The following PATZ1 variants were observed in gnomAD, a reference collection of about 807,000 sequenced individuals.
The protein encoded by PATZ1 is POZ/BTB and AT hook containing zinc finger 1.
Under a neutral mutation model 46.2 loss-of-function variants are expected in PATZ1, and 9 were observed. The ratio of observed to expected loss-of-function variants is 0.19; its 90% confidence interval spans 0.12 to 0.34. The LOEUF (loss-of-function observed/expected upper bound fraction) is 0.34. Ranked by LOEUF, PATZ1 falls within the 10% of genes least tolerant of loss-of-function variation. The pLI is 1.00. For synonymous variants in PATZ1, 426 were observed against 378.6 expected, an observed-to-expected ratio of 1.13 and a Z score of -1.45; for missense variants, 632 against 923.0, an observed-to-expected ratio of 0.68 and a Z score of 4.08.
Position 31,345,790 on chromosome 22 carries a change from G to T in PATZ1, c.-188C>A. On this transcript the variant is annotated 5_prime_UTR_variant, in exon 1 of 5. Coordinates refer to ENST00000266269, the MANE Select transcript of PATZ1 (RefSeq NM_014323.3). This position sits in a 1 kb window ranked among gnomAD's most constrained non-coding sequence, Gnocchi z 7.4. Reference sequence around the variant, plus strand: ...CCGGATCAGACTGTCTAGACTGCGGGGTGCACCACCCCCCACATAGCCAAC... The same window carrying T: ...CCGGATCAGACTGTCTAGACTGCGGTGTGCACCACCCCCCACATAGCCAAC... The T allele has an allele frequency of 1.8e-6, 1 of 546,482 alleles. No individual in the cohort carries two copies. Among genetic ancestry groups the T allele is most frequent in the Non-Finnish European group, 3.1e-6 (1 of 323,816 alleles). 33.9% of individuals were successfully genotyped at this position (546,482 alleles called of 1,614,324 possible). A position where few individuals can be genotyped will look rare whatever the true frequency, so the allele number is the denominator to read the frequency against.
intron 2 of PATZ1, among the ~76,000 whole-genome samples, chr22:31,337,109 CA>C (rs889856619): frequency 7.5e-4 from 105 of 140,626 alleles, no homozygotes; most frequent in Non-Finnish European, 9.5e-4. Context: ...GACTCCGTCT[CA>C]AAAAAAAAAA....
chr22:31,329,649 G>A (rs965656015), intron 3 of PATZ1, among the ~76,000 whole-genome samples: 3 of 152,150 alleles, frequency 2.0e-5, no homozygotes, highest in African/African-American at 4.8e-5. Context: ...GAAGAAACAC[G>A]GATGATCTCT....
rs1281347033 is a variant in PATZ1, at chr22:31,344,700, G to A, written c.903C>T (p.Phe301=). ...GCTGCCGGAGCCGGTTGGCATCAGTGAACACCTTACCACATAGACCGCATG... is the reference window on the plus strand; with the variant it reads ...GCTGCCGGAGCCGGTTGGCATCAGTAAACACCTTACCACATAGACCGCATG... ...ILPCGLCGKV[F]TDANRLRQHE... is the part of the protein sequence containing the mutation. Residue 301 remains phenylalanine, a synonymous_variant, in exon 1 of 5, where the codon TTC becomes TTT. Coordinates refer to ENST00000266269, the MANE Select transcript of PATZ1 (RefSeq NM_014323.3). 8 of 1,613,616 alleles carry A rather than the reference G, an allele frequency of 5.0e-6. No individual in the cohort carries two copies. In the African/African-American group the frequency reaches 6.7e-5, roughly 13 times the overall value.
chr22:31,340,589 G>C, intron 2 of PATZ1: 4 of 683,694 alleles, frequency 5.9e-6, no homozygotes, highest in Non-Finnish European at 7.3e-6. Flanking sequence ...ATGTTGGGAG[G>C]GGCAGGGCAG....
At chr22:31,331,685 T>C (rs1167854317) in intron 3 of PATZ1, among the ~76,000 whole-genome samples, 3 of 152,072 alleles carry the variant, frequency 2.0e-5, no homozygotes, top group Admixed American at 1.3e-4. Flanking sequence ...TAAAATAGCA[T>C]GAAGCTCTCT....
In PATZ1 at chr22:31,342,908, G is replaced by A. The variant is rs529473707; in HGVS notation, c.1324C>T (p.His442Tyr). ...IKQVHTSERP[H>Y]KCQTCNASFA... ...GACCCAGCCCCTACCTGACACTTGT[G>A]AGGCCGCTCAGAAGTGTGCACCTGC... Residue 442 changes from histidine (H) to tyrosine (Y), a missense_variant, in exon 2 of 5, where the codon CAC (histidine) becomes TAC (tyrosine). Physicochemically the swap from His to Tyr is moderately conservative, Grantham distance 83 (BLOSUM62 2). Around this residue, in one of 7 missense-constraint regions of PATZ1, gnomAD observed 55 missense variants for 169.0 expected, o/e 0.33. Transcript: ENST00000266269. 1 of 1,614,066 alleles carries A rather than the reference G, an allele frequency of 6.2e-7. No homozygotes were observed. The highest frequency in any genetic ancestry group is 1.3e-5 in the African/African-American group (1 of 75,050).
At chr22:31,344,023 G>A (rs1195957706) in intron 1 of PATZ1, among the ~76,000 whole-genome samples, 1 of 152,210 alleles carries the variant, frequency 6.6e-6, no homozygotes, top group African/African-American at 2.4e-5. Flanking sequence ...CACGCCTGGT[G>A]CCGGAAACAC....
intron 1 of PATZ1, 153 bp from the exon 2 acceptor site, chr22:31,343,113 C>G: frequency 1.4e-6 from 2 of 1,427,904 alleles, no homozygotes; most frequent in Non-Finnish European, 1.9e-6. Flanking sequence ...AAGTCACCAC[C>G]CAGTTCTGGC....
intron 2 of PATZ1, among the ~76,000 whole-genome samples, chr22:31,336,383 C>G (rs989033301): frequency 2.0e-5 from 3 of 152,108 alleles, no homozygotes; most frequent in African/African-American, 7.2e-5. Flanking sequence ...AAAGGAAAGG[C>G]AGGACAAAGT....
chr22:31,342,835 G>A, intron 2 of PATZ1, 62 bp downstream of exon 2: 1 of 1,586,180 alleles, frequency 6.3e-7, no homozygotes, highest in African/African-American at 1.3e-5. Flanking sequence ...CTGGCTCAAG[G>A]CTGCGACCGT....
rs1240409340 is a variant in PATZ1, at chr22:31,326,696, A to C, written c.*195T>G. 19 of 579,990 alleles carry C rather than the reference A, an allele frequency of 3.3e-5. No individual in the cohort carries two copies. The highest frequency in any genetic ancestry group is 5.8e-5 in the Non-Finnish European group (19 of 330,416). The allele number at this position is 579,990 out of a possible 1,614,324, so 35.9% of individuals were successfully genotyped here. A position where few individuals can be genotyped will look rare whatever the true frequency, so the allele number is the denominator to read the frequency against. ...CAAGTCTCATTGATATTTCTGCAGAATATCAGATGAAAATCTATTTCTAAA... is the reference window on the plus strand; with the variant it reads ...CAAGTCTCATTGATATTTCTGCAGACTATCAGATGAAAATCTATTTCTAAA... On this transcript the variant is annotated 3_prime_UTR_variant, in exon 5 of 5. Coordinates refer to ENST00000266269, the MANE Select transcript of PATZ1 (RefSeq NM_014323.3).
chr22:31,330,013 T>C (rs901107875), intron 3 of PATZ1, among the ~76,000 whole-genome samples: 6 of 152,226 alleles, frequency 3.9e-5, no homozygotes, highest in African/African-American at 1.2e-4. Context: ...ATCAGGTGTT[T>C]CCATTCACTT....
rs1219077456 is a variant in PATZ1 at position 31,344,708 on chromosome 22, T to C, written c.895A>G (p.Lys299Glu). The change falls in exon 1 of 5, where the codon AAG becomes GAG. Residue 299 changes from lysine (K) to glutamate (E), a missense_variant. This residue lies in a region of PATZ1 where 279 missense variants were observed against 284.3 expected (regional missense o/e 0.98). Coordinates refer to ENST00000266269, the MANE Select transcript of PATZ1 (RefSeq NM_014323.3). ...AGILPCGLCGKVFTDANRLRQ... is the reference protein window; with the variant it reads ...AGILPCGLCGEVFTDANRLRQ... ...AGCCGGTTGGCATCAGTGAACACCT[T>C]ACCACATAGACCGCATGGAAGGATG... The C allele has an allele frequency of 6.2e-7, 1 of 1,613,500 alleles. No individual in the cohort carries two copies. The highest frequency in any genetic ancestry group is 2.2e-5 in the East Asian group (1 of 44,858).
Position 31,326,181 on chromosome 22 carries a change from A to C in PATZ1, c.*710T>G, listed in dbSNP as rs1205626369. Reference sequence around the variant, plus strand: ...GTCCTAAAAAATAATAACAATAATAATAATAATTAGAGAATTAAAACCCAA... The same window carrying C: ...GTCCTAAAAAATAATAACAATAATACTAATAATTAGAGAATTAAAACCCAA... On this transcript the variant is annotated 3_prime_UTR_variant, in exon 5 of 5. Coordinates refer to ENST00000266269, the MANE Select transcript of PATZ1 (RefSeq NM_014323.3). The C allele has an allele frequency of 1.3e-5, 3 of 222,628 alleles. No homozygotes were observed. Among genetic ancestry groups the C allele is most frequent in the African/African-American group, 2.2e-5 (1 of 44,712 alleles). The allele number at this position is 222,628 out of a possible 1,614,324, so 13.8% of individuals were successfully genotyped here. A position where few individuals can be genotyped will look rare whatever the true frequency, so the allele number is the denominator to read the frequency against.
At chr22:31,334,612 A>G (rs2049485507) in intron 3 of PATZ1, among the ~76,000 whole-genome samples, 1 of 152,148 alleles carries the variant, frequency 6.6e-6, no homozygotes, top group South Asian at 2.1e-4. Flanking sequence ...AGAGTCTCCC[A>G]AGTGTGCGGC....
intron 2 of PATZ1, chr22:31,341,478 G>C (rs748282074): frequency 6.2e-7 from 1 of 1,612,254 alleles, no homozygotes; most frequent in Non-Finnish European, 8.5e-7. Context: ...ATATCCCGGC[G>C]GGGCTGGGCA....
At chr22:31,338,745 A>G (rs2049543172) in intron 2 of PATZ1, among the ~76,000 whole-genome samples, 1 of 152,252 alleles carries the variant, frequency 6.6e-6, no homozygotes. Context: ...AACATGGATC[A>G]GGTGTAAGAA....
rs1395963683 is a variant in PATZ1, at chr22:31,327,080, C to T, written c.1875G>A (p.Gln625=). The change falls in exon 5 of 5, where the codon CAG becomes CAA. Residue 625 remains glutamine (Q), a synonymous_variant. Transcript: ENST00000266269. This position sits in a 1 kb window ranked among gnomAD's most constrained non-coding sequence, Gnocchi z 4.2. ...CCCCGAGAGCCCGGACATGCACCTT[C>T]TGGATGTGTTTGTTCAAGTAGGACT... ...RSKSYLNKHI[Q]KVHVRALGGP... is the part of the protein sequence containing the mutation. 1 of 1,614,096 alleles carries T rather than the reference C, an allele frequency of 6.2e-7. No individual in the cohort carries two copies. The highest frequency in any genetic ancestry group is 2.2e-5 in the East Asian group (1 of 44,860).
chr22:31,330,667 A>G (rs972224030), intron 3 of PATZ1, among the ~76,000 whole-genome samples: 1 of 152,174 alleles, frequency 6.6e-6, no homozygotes, highest in African/African-American at 2.4e-5. Flanking sequence ...TTGGGACGCT[A>G]ACCTTTTAGG....
Sources: allele counts gnomAD v4.1 joint callset (sites outside exome capture counted in the v4.1 genomes callset), GRCh38; gene constraint gnomAD v4.1.1; regional missense constraint gnomAD v4.1.1; non-coding constraint Gnocchi (gnomAD v3.1); transcripts MANE v1.5; gene names NCBI Gene and HGNC (gene_info 2026-07-23, HGNC 2026-07-21).